The following AFF3 variants were observed in gnomAD, a reference collection of about 807,000 sequenced individuals.
The protein encoded by AFF3 is ALF transcription elongation factor 3.
AFF3 carries 32 observed loss-of-function variants against 129.7 expected under a neutral mutation model. That is an observed-to-expected ratio of 0.25 (90% CI 0.19 to 0.33). The LOEUF is 0.33. Ranked by LOEUF, AFF3 falls within the 10% of genes least tolerant of loss-of-function variation. The pLI, the probability that AFF3 is intolerant of heterozygous loss-of-function variation, is 1.00. For missense variants in AFF3, 1,373 were observed against 1,592.0 expected, an observed-to-expected ratio of 0.86 and a Z score of 2.34; for synonymous variants, 644 against 635.4, an observed-to-expected ratio of 1.01 and a Z score of -0.20.
At chr2:99,904,693 C>T (rs1054919674) in intron 7 of AFF3, among the ~76,000 whole-genome samples, 1 of 152,150 alleles carries the variant, frequency 6.6e-6, no homozygotes, top group African/African-American at 2.4e-5. Context: ...CAATAATCAA[C>T]CTTCCCTTTG....
chr2:99,708,962 A>C (rs993495224), intron 11 of AFF3, among the ~76,000 whole-genome samples: 1 of 152,256 alleles, frequency 6.6e-6, no homozygotes, highest in Non-Finnish European at 1.5e-5. Context: ...ACTGGACTTT[A>C]AATTCTTAAT....
At chr2:99,727,559 AT>A (rs35336994) in intron 10 of AFF3, among the ~76,000 whole-genome samples, 87,743 of 127,730 alleles carry the variant, frequency 0.69, 29,723 homozygotes, top group East Asian at 0.87. Flanking sequence ...GGAGGAAAGA[AT>A]TTTTTTTTTT....
At chr2:99,676,579 A>G (rs973697728) in intron 11 of AFF3, among the ~76,000 whole-genome samples, 7 of 152,156 alleles carry the variant, frequency 4.6e-5, no homozygotes, top group African/African-American at 1.4e-4. Flanking sequence ...ATTTTTATCA[A>G]TGCTCATTTT....
chr2:99,752,963 T>C (rs936371049), intron 8 of AFF3, among the ~76,000 whole-genome samples: 5 of 152,326 alleles, frequency 3.3e-5, no homozygotes, highest in Admixed American at 2.6e-4. Flanking sequence ...GGGGTTGTTT[T>C]ATTCACTTCC....
chr2:99,601,132 C>A (rs935054981), intron 14 of AFF3, among the ~76,000 whole-genome samples: 2 of 152,154 alleles, frequency 1.3e-5, no homozygotes, highest in Non-Finnish European at 2.9e-5. Flanking sequence ...AGACCTGAGC[C>A]ATAGGTTATT....
intron 8 of AFF3, among the ~76,000 whole-genome samples, chr2:99,785,914 AT>A (rs1420625231): frequency 6.6e-6 from 1 of 151,900 alleles, no homozygotes; most frequent in Non-Finnish European, 1.5e-5. Context: ...TGCCTGGCTA[AT>A]TTTTTGTATT....
At chr2:99,694,540 A>T (rs1017574040) in intron 11 of AFF3, among the ~76,000 whole-genome samples, 1 of 152,080 alleles carries the variant, frequency 6.6e-6, no homozygotes, top group Non-Finnish European at 1.5e-5. Context: ...CATTTTTTGC[A>T]TTGCTCTCCG....
intron 11 of AFF3, among the ~76,000 whole-genome samples, chr2:99,687,810 T>C (rs147468718): frequency 6.6e-6 from 1 of 152,340 alleles, no homozygotes; most frequent in African/African-American, 2.4e-5. Context: ...AGCAGAATGA[T>C]ACCTTTGTCA....
chr2:99,985,320 G>A lies in AFF3; in HGVS notation c.873+21312C>T, dbSNP rs562257749. 2.6e-5 allele frequency among the ~76,000 whole-genome samples: 4 copies of A among 152,220 alleles called. No individual in the cohort carries two copies. The South Asian group carries it at 6.2e-4, about 24-fold the overall frequency. ...ACTTTCTTTTTACATATTCGAAATTGCAATGGACTGCCATGAACATGACCT... is the reference window on the plus strand; with the variant it reads ...ACTTTCTTTTTACATATTCGAAATTACAATGGACTGCCATGAACATGACCT... On this transcript the variant is annotated intron_variant, in intron 7 of 24. Transcript: ENST00000672756.
intron 8 of AFF3, among the ~76,000 whole-genome samples, chr2:99,758,498 A>G (rs1423634896): frequency 6.7e-6 from 1 of 149,848 alleles, no homozygotes; most frequent in Non-Finnish European, 1.5e-5. Context: ...AGGCACAAGA[A>G]TCGCTTGAAC....
intron 7 of AFF3, among the ~76,000 whole-genome samples, chr2:99,841,880 A>C (rs1689341629): frequency 6.6e-6 from 1 of 152,146 alleles, no homozygotes; most frequent in Non-Finnish European, 1.5e-5. Flanking sequence ...GCTCATGCTG[A>C]GGTAACTTGC....
chr2:100,111,876 A>G (rs950259093), intron 2 of AFF3, among the ~76,000 whole-genome samples: 3 of 152,102 alleles, frequency 2.0e-5, no homozygotes, highest in Admixed American at 6.5e-5. Context: ...CTCCATATCA[A>G]CCCTGCTATG....
At chr2:99,604,561 C>T (rs1680148739) in intron 13 of AFF3, among the ~76,000 whole-genome samples, 2 of 152,118 alleles carry the variant, frequency 1.3e-5, no homozygotes, top group South Asian at 2.1e-4. Flanking sequence ...ATCTGTACAA[C>T]AAACCCCCAT....
intron 11 of AFF3, among the ~76,000 whole-genome samples, chr2:99,685,642 A>G (rs1674982543): frequency 6.6e-6 from 1 of 152,196 alleles, no homozygotes; most frequent in Admixed American, 6.5e-5. Context: ...AAACATATTC[A>G]TCTATTTCTC....
chr2:99,691,691 G>A (rs1675681021), intron 11 of AFF3, among the ~76,000 whole-genome samples: 1 of 152,136 alleles, frequency 6.6e-6, no homozygotes. Context: ...TATCCTTCCT[G>A]TGGGGATAGA....
intron 7 of AFF3, among the ~76,000 whole-genome samples, chr2:99,915,067 T>C (rs1411944237): frequency 6.6e-6 from 1 of 152,150 alleles, no homozygotes; most frequent in African/African-American, 2.4e-5. Flanking sequence ...TGGTGAAGTG[T>C]TCATGTTTAG....
rs1677044596 is a variant in AFF3 at position 99,703,254 on chromosome 2, C to T, written c.1091+23823G>A. Among the ~76,000 whole-genome samples, 3 of 152,160 alleles carry T rather than the reference C, an allele frequency of 2.0e-5. 1 individual carries two copies. The highest frequency in any genetic ancestry group is 4.4e-5 in the Non-Finnish European group (3 of 68,032). On this transcript the variant is annotated intron_variant, in intron 11 of 24. Coordinates refer to ENST00000672756, the MANE Select transcript of AFF3 (RefSeq NM_001386135.1). ...CTGGACTCATGGCCCCTTTTTCCATCTTCAAAGCCAGCAGCATTTCCAAAT... is the reference window on the plus strand; with the variant it reads ...CTGGACTCATGGCCCCTTTTTCCATTTTCAAAGCCAGCAGCATTTCCAAAT...
In AFF3 at chr2:99,681,090, T is replaced by C. The variant is rs934258915; in HGVS notation, c.1092-8501A>G. ...TTTCTTTTCTTTTTTTAAAGCTCCC[T>C]AGGGAGCTGATTCATGGGCCTCAGC... is the stretch of plus-strand genomic sequence containing the variant. On this transcript the variant is annotated intron_variant, in intron 11 of 24. Transcript: ENST00000672756. 2.6e-5 allele frequency among the ~76,000 whole-genome samples: 4 copies of C among 152,124 alleles called. No individual in the cohort carries two copies. The East Asian group carries it at 7.7e-4, about 29-fold the overall frequency.
intron 8 of AFF3, among the ~76,000 whole-genome samples, chr2:99,766,073 C>A (rs1175747316): frequency 6.6e-6 from 1 of 152,198 alleles, no homozygotes; most frequent in East Asian, 1.9e-4. Flanking sequence ...GTTAGGCAAG[C>A]TGGGAGTGTA....
Sources: allele counts gnomAD v4.1 joint callset (sites outside exome capture counted in the v4.1 genomes callset), GRCh38; gene constraint gnomAD v4.1.1; transcripts MANE v1.5; gene names NCBI Gene and HGNC (gene_info 2026-07-23, HGNC 2026-07-21).